Variants in MAML2 observed in about 807,000 individuals in gnomAD.
MAML2 encodes the protein mastermind like transcriptional coactivator 2, also known as mastermind-like protein 2.
In MAML2, 22 loss-of-function variants were observed where a neutral mutation model predicts 96.1. That is an observed-to-expected ratio of 0.23 (90% confidence interval 0.16 to 0.33). The LOEUF is 0.33. Among genes scored for constraint, MAML2 ranks in the 10% least tolerant of loss-of-function variants. The pLI is 1.00. For synonymous variants in MAML2, 561 were observed against 521.3 expected (o/e 1.08, Z -1.04); for missense variants, 1,367 against 1,392.4 (o/e 0.98, Z 0.29).
intron 2 of MAML2, among the ~76,000 whole-genome samples, chr11:96,079,827 A>G (rs1451065697): frequency 6.6e-6 from 1 of 152,148 alleles, no homozygotes; most frequent in East Asian, 1.9e-4. Context: ...GAGTGAAGAG[A>G]CTCTAAATAT....
intron 1 of MAML2, among the ~76,000 whole-genome samples, chr11:96,287,010 G>A (rs909531450): frequency 2.0e-5 from 3 of 152,106 alleles, no homozygotes; most frequent in Non-Finnish European, 2.9e-5. Context: ...AGCCTGATGC[G>A]CTGCTCTAGA....
chr11:96,146,670 AG>A (rs1860827092), intron 1 of MAML2, among the ~76,000 whole-genome samples: 1 of 152,214 alleles, frequency 6.6e-6, no homozygotes, highest in Non-Finnish European at 1.5e-5. Flanking sequence ...TGGCAGCATC[AG>A]GGTTTTCTAC....
intron 1 of MAML2, among the ~76,000 whole-genome samples, chr11:96,336,724 AAACAACAACAAAAAAACAAAAACAGCT>A (rs1863924995): frequency 6.6e-6 from 1 of 152,204 alleles, no homozygotes; most frequent in African/African-American, 2.4e-5. Flanking sequence ...ACACAAACAC[AAACAACAACAAAAAAACAAAAACAGCT>A]AATTATGGCC....
At chr11:96,189,934 T>A (rs1202022383) in intron 1 of MAML2, among the ~76,000 whole-genome samples, 1 of 152,166 alleles carries the variant, frequency 6.6e-6, no homozygotes, top group Non-Finnish European at 1.5e-5. Flanking sequence ...GAATCTAGGA[T>A]TGTATATGGC....
At chr11:96,300,967 C>T (rs1475315904) in intron 1 of MAML2, among the ~76,000 whole-genome samples, 1 of 152,182 alleles carries the variant, frequency 6.6e-6, no homozygotes, top group East Asian at 1.9e-4. Flanking sequence ...AAATAGTTAC[C>T]TCATCAGACA....
chr11:96,119,934 ATATAT>A (rs1860306635), intron 1 of MAML2, among the ~76,000 whole-genome samples: 1 of 151,516 alleles, frequency 6.6e-6, no homozygotes, highest in Non-Finnish European at 1.5e-5. Flanking sequence ...AGTCTGACAA[ATATAT>A]ATTTGCGAGA....
intron 1 of MAML2, among the ~76,000 whole-genome samples, chr11:96,326,088 T>TCCCC: frequency 8.2e-6 from 1 of 121,484 alleles, no homozygotes; most frequent in Non-Finnish European, 1.7e-5. Flanking sequence ...ACTCTCTGTC[T>TCCCC]ACCCCGCCCC....
rs945901764 is a variant in MAML2 at position 96,269,351 on chromosome 11, T to C, written c.513+72032A>G. Among the ~76,000 whole-genome samples, 22 of 144,872 alleles carry C rather than the reference T, an allele frequency of 1.5e-4. 5 individuals are homozygous for C. The highest frequency in any genetic ancestry group is 4.8e-4 in the African/African-American group (18 of 37,860). On this transcript the variant is annotated intron_variant, in intron 1 of 4. Transcript: ENST00000524717. ...TTATGCTTCAGCTCTCCATTCAGCC[T>C]AAATAGCTATTGTATGTTATGTTCC...
chr11:96,290,655 A>G (rs747375279), intron 1 of MAML2, among the ~76,000 whole-genome samples: 8 of 152,212 alleles, frequency 5.3e-5, no homozygotes, highest in African/African-American at 1.2e-4. Context: ...AAGATATTTG[A>G]TATTCCCCTT....
At chr11:96,269,443 A>G (rs1304330099) in intron 1 of MAML2, among the ~76,000 whole-genome samples, 2 of 144,080 alleles carry the variant, frequency 1.4e-5, no homozygotes, top group East Asian at 4.0e-4. Flanking sequence ...CCTTCCACTC[A>G]CTTTGGCATG....
intron 1 of MAML2, among the ~76,000 whole-genome samples, chr11:96,309,556 C>A (rs1347414950): frequency 1.3e-5 from 2 of 152,138 alleles, no homozygotes; most frequent in East Asian, 3.9e-4. Context: ...GGTTTTGCTA[C>A]ATCACCATTT....
chr11:96,209,873 T>C (rs767885072), intron 1 of MAML2, among the ~76,000 whole-genome samples: 2 of 152,228 alleles, frequency 1.3e-5, no homozygotes, highest in African/African-American at 4.8e-5. Context: ...TCTCCCACTA[T>C]GCATGGAATA....
intron 2 of MAML2, among the ~76,000 whole-genome samples, chr11:96,063,957 G>A (rs748609550): frequency 3.3e-5 from 5 of 152,198 alleles, no homozygotes; most frequent in Non-Finnish European, 5.9e-5. Flanking sequence ...TTAGAAGTGA[G>A]ATGAGTTCAT....
At position 96,324,825 on chromosome 11, in the gene MAML2, G is replaced by A. The variant is rs2136013582; in HGVS notation, c.513+16558C>T. Among the ~76,000 whole-genome samples the A allele has an allele frequency of 1.3e-5, 2 of 152,276 alleles. 1 individual carries two copies. Among genetic ancestry groups the A allele is most frequent in the Middle Eastern group, 6.8e-3 (2 of 294 alleles). ...AAAAAGTTAAGAGACCAATCTTGGT[G>A]GCAGAGAAGAGTCTACTTCTTTAAT... On this transcript the variant is annotated intron_variant, in intron 1 of 4. Transcript: ENST00000524717.
At chr11:96,121,218 C>T (rs550936811) in intron 1 of MAML2, among the ~76,000 whole-genome samples, 6 of 152,292 alleles carry the variant, frequency 3.9e-5, no homozygotes, top group African/African-American at 1.4e-4. Context: ...CCCTGGGAGA[C>T]GCTGGCTTCT....
At chr11:96,150,797 C>G (rs1332734464) in intron 1 of MAML2, among the ~76,000 whole-genome samples, 1 of 152,126 alleles carries the variant, frequency 6.6e-6, no homozygotes, top group African/African-American at 2.4e-5. Context: ...CATACTAACC[C>G]CTGCTTGACA....
At chr11:96,076,428 T>TCACA (rs1451144164) in intron 2 of MAML2, among the ~76,000 whole-genome samples, 43 of 88,314 alleles carry the variant, frequency 4.9e-4, no homozygotes, top group African/African-American at 1.6e-3. Context: ...TCTCTCTCTC[T>TCACA]CTCTCACACA....
intron 2 of MAML2, among the ~76,000 whole-genome samples, chr11:96,076,096 C>A (rs1422682684): frequency 6.6e-6 from 1 of 152,222 alleles, no homozygotes; most frequent in African/African-American, 2.4e-5. Flanking sequence ...TAAAATATTA[C>A]AACAGAAAGT....
chr11:96,100,782 G>A (rs999187491), intron 1 of MAML2, among the ~76,000 whole-genome samples: 3 of 119,626 alleles, frequency 2.5e-5, no homozygotes, highest in Non-Finnish European at 5.1e-5. Flanking sequence ...ATCTGGTTCT[G>A]TCATCCAGGC....
Sources: gnomAD v4.1 joint callset for allele counts (sites outside exome capture counted in the v4.1 genomes callset) on GRCh38, gnomAD v4.1.1 for gene constraint, MANE v1.5 for transcripts, NCBI Gene and HGNC (gene_info 2026-07-23, HGNC 2026-07-21) for gene names.